CDCA2: variants seen among roughly 807,000 people sequenced by gnomAD.
The protein encoded by CDCA2 is cell division cycle associated 2.
CDCA2 carries 44 observed loss-of-function variants against 67.0 expected under a neutral mutation model. The observed-to-expected ratio is 0.66, with a 90% CI of 0.52 to 0.84. The LOEUF (loss-of-function observed/expected upper bound fraction) is 0.84. CDCA2 is among the 40% of genes least tolerant of loss of function. CDCA2 has a pLI of 0.00. For synonymous variants in CDCA2, 447 were observed against 418.7 expected, an observed-to-expected ratio of 1.07 and a Z score of -0.82; for missense variants, 1,253 against 1,203.2, an observed-to-expected ratio of 1.04 and a Z score of -0.61.
chr8:25,460,982 A>G (rs899580436), intron 3 of CDCA2, among the ~76,000 whole-genome samples: 1 of 152,128 alleles, frequency 6.6e-6, no homozygotes, highest in Non-Finnish European at 1.5e-5. Context: ...ACAATCACAA[A>G]CAGGGTTGGG....
intron 6 of CDCA2, 50 bp from the exon 7 acceptor site, chr8:25,469,846 A>C: frequency 8.7e-7 from 1 of 1,145,270 alleles, no homozygotes; most frequent in Non-Finnish European, 1.3e-6. Context: ...AAAAGGCATT[A>C]GTAGTACTCT....
chr8:25,498,397 G>A (rs1461761268), intron 13 of CDCA2, among the ~76,000 whole-genome samples: 7 of 150,024 alleles, frequency 4.7e-5, no homozygotes, highest in African/African-American at 1.7e-4. Flanking sequence ...TAGTAGAGAC[G>A]GGGTTTCACT....
At chr8:25,465,300 G>GT (rs1448903472) in intron 4 of CDCA2, among the ~76,000 whole-genome samples, 1 of 152,066 alleles carries the variant, frequency 6.6e-6, no homozygotes, top group Non-Finnish European at 1.5e-5. Flanking sequence ...TTAAACGGAG[G>GT]TAATTTTTAC....
At chr8:25,480,408 TA>T (rs1469883730) in intron 8 of CDCA2, among the ~76,000 whole-genome samples, 1 of 152,164 alleles carries the variant, frequency 6.6e-6, no homozygotes, top group Non-Finnish European at 1.5e-5. Context: ...TGCACTAACA[TA>T]ATTATATGTT....
At chr8:25,480,927 A>G (rs1283302348) in intron 8 of CDCA2, among the ~76,000 whole-genome samples, 1 of 152,228 alleles carries the variant, frequency 6.6e-6, no homozygotes, top group Non-Finnish European at 1.5e-5. Flanking sequence ...ATTAAATGGG[A>G]TAATATAAAA....
chr8:25,483,969 A>G lies in CDCA2; in HGVS notation c.1124A>G (p.Asp375Gly). ...PNCCKEKEAEDEENFEAPAFL... is the reference protein window; with the variant it reads ...PNCCKEKEAEGEENFEAPAFL... ...CTCATTTATTGTCTAATTATAGAAG[A>G]TGAAGAAAATTTTGAAGCACCTGCC... is the stretch of plus-strand genomic sequence containing the variant. Residue 375 changes from aspartate to glycine, a missense_variant, in exon 10 of 15, where the codon GAT becomes GGT. Asp to Gly is a moderately conservative substitution (Grantham distance 94). Transcript: ENST00000330560. 1 of 1,612,246 alleles carries G rather than the reference A, an allele frequency of 6.2e-7. No individual in the cohort carries two copies. Among genetic ancestry groups the G allele is most frequent in the Non-Finnish European group, 8.5e-7 (1 of 1,178,746 alleles).
chr8:25,503,226 T>C (rs1804542405), intron 13 of CDCA2, 147 bp from the exon 14 acceptor site: 1 of 626,450 alleles, frequency 1.6e-6, no homozygotes, highest in Admixed American at 2.8e-5. Flanking sequence ...GAAGTTGCAG[T>C]GAGCTGAGAT....
At chr8:25,481,373 T>A (rs1803564123) in intron 8 of CDCA2, among the ~76,000 whole-genome samples, 1 of 152,132 alleles carries the variant, frequency 6.6e-6, no homozygotes, top group Non-Finnish European at 1.5e-5. Context: ...AAATATTAAG[T>A]CTTGTCATTA....
chr8:25,471,200 ACTT>A (rs1803138863), intron 7 of CDCA2, among the ~76,000 whole-genome samples: 1 of 152,204 alleles, frequency 6.6e-6, no homozygotes, highest in African/African-American at 2.4e-5. Context: ...CTGAAAAAGA[ACTT>A]CTTTAGCATT....
Position 25,507,268 on chromosome 8 carries a change from G to T in CDCA2, c.2602G>T (p.Glu868Ter). Residue 868 changes from glutamate to a stop codon, truncating the protein, a stop_gained, in exon 15 of 15, where the codon GAA (glutamate) becomes TAA (stop). Coordinates refer to ENST00000330560, the MANE Select transcript of CDCA2 (RefSeq NM_152562.4). LOFTEE classifies it low-confidence loss of function (END_TRUNC). ...TGTAGAAATTAGTTTAGAAAATTCT[G>T]AACTGTTTAAAGATTTGTCTGATGC... ...SSVEISLENSELFKDLSDAIE... is the reference protein window; with the variant it reads ...SSVEISLENS 6.2e-7 allele frequency: 1 copy of T among 1,614,102 alleles called. No homozygotes were observed. Among genetic ancestry groups the T allele is most frequent in the Non-Finnish European group, 8.5e-7 (1 of 1,180,020 alleles).
chr8:25,484,751 T>G (rs887751939), intron 10 of CDCA2, among the ~76,000 whole-genome samples: 8 of 151,982 alleles, frequency 5.3e-5, no homozygotes, highest in African/African-American at 1.9e-4. Context: ...TGGGCACACA[T>G]CACCATGCCT....
Position 25,478,888 on chromosome 8 carries a change from GTATATATA to G in CDCA2, c.821-1007_821-1000del, listed in dbSNP as rs71511103. On this transcript the variant is annotated intron_variant, in intron 7 of 14. Coordinates refer to ENST00000330560, the MANE Select transcript of CDCA2 (RefSeq NM_152562.4). The stretch of plus-strand genomic sequence containing the variant: ...TATATTAACTACTTGTTGTGTGTGT[GTATATATA>G]TATATATATATATATATTAACTTTT... 1.7e-3 allele frequency among the ~76,000 whole-genome samples: 192 copies of G among 111,604 alleles called. 1 individual carries two copies. The highest frequency in any genetic ancestry group is 7.0e-3 in the African/African-American group (177 of 25,186). 73.2% of individuals were successfully genotyped at this position (111,604 alleles called of 152,430 possible). A position where few individuals can be genotyped will look rare whatever the true frequency, so the allele number is the denominator to read the frequency against.
chr8:25,468,804 G>C (rs1035597241), intron 6 of CDCA2, among the ~76,000 whole-genome samples: 1 of 152,150 alleles, frequency 6.6e-6, no homozygotes, highest in Non-Finnish European at 1.5e-5. Flanking sequence ...CTTCAGTGGA[G>C]CTGGTGGATC....
At chr8:25,498,453 ACCCCCC>A (rs60633246) in intron 13 of CDCA2, among the ~76,000 whole-genome samples, 1 of 76,614 alleles carries the variant, frequency 1.3e-5, no homozygotes. Context: ...GGTAATCTGC[ACCCCCC>A]CCCCGCCCCC....
intron 9 of CDCA2, 75 bp from the exon 10 acceptor site, chr8:25,483,891 G>A (rs1017996971): frequency 7.9e-7 from 1 of 1,264,528 alleles, no homozygotes; most frequent in Non-Finnish European, 1.1e-6. Context: ...CACATTAAAA[G>A]ATTCTAGTAT....
chr8:25,487,104 A>G, intron 11 of CDCA2, 142 bp from the exon 12 acceptor site: 1 of 597,990 alleles, frequency 1.7e-6, no homozygotes, highest in South Asian at 2.0e-5. Context: ...TTGGATTTCA[A>G]AATTTCTGCT....
At chr8:25,496,179 A>T (rs527669736) in intron 13 of CDCA2, among the ~76,000 whole-genome samples, 13 of 152,348 alleles carry the variant, frequency 8.5e-5, no homozygotes, top group African/African-American at 3.1e-4. Context: ...ATGTTAACAG[A>T]CACAAATCCA....
chr8:25,474,589 C>T (rs1223372868), intron 7 of CDCA2, among the ~76,000 whole-genome samples: 1 of 152,164 alleles, frequency 6.6e-6, no homozygotes, highest in Non-Finnish European at 1.5e-5. Flanking sequence ...CTGGTTGCTT[C>T]CTGTGCTCTG....
intron 7 of CDCA2, among the ~76,000 whole-genome samples, chr8:25,473,295 A>T (rs114160617): frequency 3.3e-3 from 497 of 152,328 alleles, no homozygotes; most frequent in African/African-American, 0.012. Context: ...GATGTTAGCG[A>T]CAGGTTTGTC....
Sources: gnomAD v4.1 joint callset for allele counts (sites outside exome capture counted in the v4.1 genomes callset) on GRCh38, gnomAD v4.1.1 for gene constraint, MANE v1.5 for transcripts, NCBI Gene and HGNC (gene_info 2026-07-23, HGNC 2026-07-21) for gene names.